The following CAST variants were observed in gnomAD, a reference collection of about 807,000 sequenced individuals.
CAST encodes MIR583 host.
CAST carries 76 observed loss-of-function variants against 119.6 expected under a neutral mutation model. The observed-to-expected ratio is 0.64, with a 90% CI of 0.53 to 0.77. The LOEUF (loss-of-function observed/expected upper bound fraction) is 0.77, where lower values mean the gene tolerates loss of function less well. CAST is among the 30% of genes least tolerant of loss of function. The probability of loss-of-function intolerance (pLI) is 0.00; values close to 1 mark genes in which losing one functional copy is unlikely to be tolerated. For synonymous variants in CAST, 319 were observed against 331.6 expected, an observed-to-expected ratio of 0.96 and a Z score of 0.41; for missense variants, 953 against 946.5, an observed-to-expected ratio of 1.01 and a Z score of -0.09.
At chr5:96,223,529 G>C in the CAST span, among the ~76,000 whole-genome samples, 3 of 152,192 alleles carry the variant, frequency 2.0e-5, no homozygotes, top group African/African-American at 7.2e-5. Flanking sequence ...TCAGAAGCTA[G>C]GAGGAGTTCA....
chr5:96,239,334 T>C, the CAST span, among the ~76,000 whole-genome samples: 2 of 152,152 alleles, frequency 1.3e-5, no homozygotes, highest in Non-Finnish European at 1.5e-5. Flanking sequence ...ATGTTGTAAA[T>C]TGCCTGTGAT....
In CAST at chr5:96,613,636, T is replaced by A. The variant is rs372035220; in HGVS notation, c.61-61903T>A. Among the ~76,000 whole-genome samples, 113 of 151,272 alleles carry A rather than the reference T, an allele frequency of 7.5e-4. No homozygotes were observed. The South Asian group carries it at 0.023, about 31-fold the overall frequency. ...TGTGTTCTTAACCTCCAATCCATAC[T>A]CTGTCTTCTGATGATTGTCTTTAAA... On this transcript the variant is annotated intron_variant, in intron 1 of 11. Transcript: ENST00000505143.
the CAST span, among the ~76,000 whole-genome samples, chr5:96,013,194 CTT>C: frequency 1.9e-4 from 27 of 142,694 alleles, no homozygotes; most frequent in Admixed American, 3.5e-4. Flanking sequence ...AAAAGGTATG[CTT>C]TTTTTTTTTT....
the CAST span, among the ~76,000 whole-genome samples, chr5:96,271,275 A>G: frequency 6.6e-6 from 1 of 152,188 alleles, no homozygotes; most frequent in Non-Finnish European, 1.5e-5. Flanking sequence ...GGAACCACAT[A>G]AGGCCTCAAA....
At chr5:96,300,560 C>T in the CAST span, among the ~76,000 whole-genome samples, 1 of 147,310 alleles carries the variant, frequency 6.8e-6, no homozygotes, top group South Asian at 2.1e-4. Context: ...TCTTTTCAGC[C>T]AATGCTTGCC....
chr5:96,392,096 A>G, the CAST span: 2 of 152,174 alleles, frequency 1.3e-5, no homozygotes, highest in East Asian at 3.8e-4. Flanking sequence ...TTATTACATT[A>G]GGTCTCCATG....
At chr5:96,091,082 C>T in the CAST span, among the ~76,000 whole-genome samples, 554 of 152,132 alleles carry the variant, frequency 3.6e-3, 2 homozygotes, top group African/African-American at 4.8e-3. Context: ...TACTTATTGC[C>T]GTCTGTTTGT....
At chr5:96,329,259 G>T in the CAST span, among the ~76,000 whole-genome samples, 1 of 152,186 alleles carries the variant, frequency 6.6e-6, no homozygotes, top group Non-Finnish European at 1.5e-5. Flanking sequence ...GTGTGATAAC[G>T]TGTGCTTTTA....
the CAST span, among the ~76,000 whole-genome samples, chr5:96,173,258 T>C: frequency 6.6e-6 from 1 of 152,166 alleles, no homozygotes; most frequent in East Asian, 1.9e-4. Context: ...GATGTTAAAT[T>C]GGATATAATG....
At chr5:96,708,633 G>A (rs1030556509) in intron 3 of CAST, among the ~76,000 whole-genome samples, 6 of 152,154 alleles carry the variant, frequency 3.9e-5, no homozygotes, top group African/African-American at 1.4e-4. Context: ...TAGGACCACA[G>A]TTGAGAGCCA....
the CAST span, among the ~76,000 whole-genome samples, chr5:96,123,009 G>A: frequency 2.0e-5 from 3 of 152,026 alleles, no homozygotes; most frequent in Admixed American, 2.0e-4. Context: ...TCTCCACAAT[G>A]TTCAGGATGT....
At chr5:96,153,705 A>G in the CAST span, among the ~76,000 whole-genome samples, 2 of 152,186 alleles carry the variant, frequency 1.3e-5, no homozygotes, top group African/African-American at 2.4e-5. Flanking sequence ...TATCACTGCT[A>G]TCAATCTAGA....
At chr5:96,646,162 T>C (rs1278977477) in intron 1 of CAST, among the ~76,000 whole-genome samples, 2 of 152,208 alleles carry the variant, frequency 1.3e-5, no homozygotes, top group African/African-American at 4.8e-5. Flanking sequence ...GGAGGTACTA[T>C]CCCACATCGT....
Position 96,750,697 on chromosome 5 carries a change from G to C in CAST, c.1524+15G>C. 1 of 1,559,138 alleles carries C rather than the reference G, an allele frequency of 6.4e-7. No individual in the cohort carries two copies. Among genetic ancestry groups the C allele is most frequent in the South Asian group, 1.1e-5 (1 of 89,914 alleles). ...CGGCTACCTTGGTGAGTGACTCCCT[G>C]GGCATTTGAGCAGTGGCTTGAGAAA... On this transcript the variant is annotated intron_variant, in intron 20 of 31. Transcript: ENST00000675179.
chr5:96,522,227 T>C (rs1184797067), upstream of CAST, among the ~76,000 whole-genome samples: 2 of 152,190 alleles, frequency 1.3e-5, no homozygotes, highest in African/African-American at 4.8e-5. Flanking sequence ...TTGGGTACTT[T>C]TATTGTCAAG....
At chr5:96,366,542 T>C in the CAST span, among the ~76,000 whole-genome samples, 1 of 152,232 alleles carries the variant, frequency 6.6e-6, no homozygotes, top group South Asian at 2.1e-4. Flanking sequence ...TACTCCTTTT[T>C]CTCTAAACTT....
the CAST span, among the ~76,000 whole-genome samples, chr5:96,117,889 C>T: frequency 6.6e-6 from 1 of 152,116 alleles, no homozygotes; most frequent in African/African-American, 2.4e-5. Context: ...TGCCTTTTGC[C>T]CGTTACCACT....
At chr5:96,731,245 A>G (rs1022371635) in intron 9 of CAST, among the ~76,000 whole-genome samples, 3 of 152,174 alleles carry the variant, frequency 2.0e-5, no homozygotes, top group African/African-American at 7.2e-5. Flanking sequence ...ATACTAGTGT[A>G]TCACAACTAT....
chr5:96,219,758 CAGGAAGGAAGGAAGGAAGAA>C, the CAST span, among the ~76,000 whole-genome samples: 608 of 140,648 alleles, frequency 4.3e-3, 2 homozygotes, highest in African/African-American at 0.014. Context: ...GGCAGGCAGG[CAGGAAGGAAGGAAGGAAGAA>C]AGGAAGGAAG....
Sources: gnomAD v4.1 joint callset for allele counts (sites outside exome capture counted in the v4.1 genomes callset) on GRCh38, gnomAD v4.1.1 for gene constraint, MANE v1.5 for transcripts, NCBI Gene and HGNC (gene_info 2026-07-23, HGNC 2026-07-21) for gene names.